Variants in TBC1D5 observed in about 807,000 individuals in gnomAD.
The protein encoded by TBC1D5 is TBC1 domain family, member 5.
A neutral mutation model predicts 100.3 loss-of-function variants in TBC1D5; 75 were observed. The ratio of observed to expected loss-of-function variants is 0.75; its 90% confidence interval spans 0.62 to 0.91. The LOEUF is 0.91. Among genes scored for constraint, TBC1D5 ranks in the 40% least tolerant of loss-of-function variants. The pLI, the probability that TBC1D5 is intolerant of heterozygous loss-of-function variation, is 0.00. For synonymous variants in TBC1D5, 323 were observed against 325.6 expected (o/e 0.99, Z 0.09); for missense variants, 910 against 942.4 (o/e 0.97, Z 0.45).
At chr3:17,737,881 G>A (rs910576150) in intron 1 of TBC1D5, among the ~76,000 whole-genome samples, 3 of 150,184 alleles carry the variant, frequency 2.0e-5, no homozygotes, top group African/African-American at 7.3e-5. Flanking sequence ...AAGAAAAAGA[G>A]TAAATCTGCA....
intron 3 of TBC1D5, among the ~76,000 whole-genome samples, chr3:17,493,000 C>T (rs1226943164): frequency 6.6e-6 from 1 of 152,114 alleles, no homozygotes; most frequent in Non-Finnish European, 1.5e-5. Flanking sequence ...GGTTATTTTG[C>T]AGACTTGATG....
At chr3:17,605,559 G>A (rs930488395) in intron 2 of TBC1D5, among the ~76,000 whole-genome samples, 1 of 152,140 alleles carries the variant, frequency 6.6e-6, no homozygotes, top group African/African-American at 2.4e-5. Flanking sequence ...TTGGGCAGTA[G>A]GAACAAATAT....
chr3:17,234,703 T>A (rs2075719295), intron 17 of TBC1D5, among the ~76,000 whole-genome samples: 1 of 152,162 alleles, frequency 6.6e-6, no homozygotes, highest in Non-Finnish European at 1.5e-5. Context: ...TTTCTATGCA[T>A]GATCATTTAT....
At position 17,455,524 on chromosome 3, in the gene TBC1D5, A is replaced by ATGTG. The variant is rs1292696837; in HGVS notation, c.98-27006_98-27005insCACA. On this transcript the variant is annotated intron_variant, in intron 3 of 21. Transcript: ENST00000253692. Reference sequence around the variant, plus strand: ...TATATGTGTGTGTGTATATATATATATATATATGTGTGTGTGTGTGTATAT... The same window carrying ATGTG: ...TATATGTGTGTGTGTATATATATATATGTGTATATATGTGTGTGTGTGTGTATAT... 2.6e-5 allele frequency among the ~76,000 whole-genome samples: 3 copies of ATGTG among 113,554 alleles called. 1 individual carries two copies. Among genetic ancestry groups the ATGTG allele is most frequent in the Non-Finnish European group, 5.3e-5 (3 of 56,194 alleles). The allele number at this position is 113,554 out of a possible 152,430, so 74.5% of individuals were successfully genotyped here.
chr3:17,183,958 C>G (rs1020063775), intron 19 of TBC1D5, among the ~76,000 whole-genome samples: 3 of 152,204 alleles, frequency 2.0e-5, no homozygotes, highest in African/African-American at 7.2e-5. Flanking sequence ...CACTACAGAG[C>G]AGCACATTGG....
chr3:17,593,712 G>C (rs756736941), intron 2 of TBC1D5, among the ~76,000 whole-genome samples: 1 of 152,124 alleles, frequency 6.6e-6, no homozygotes, highest in Non-Finnish European at 1.5e-5. Context: ...GAAGTGCAGC[G>C]GTGGGCTTAT....
intron 3 of TBC1D5, among the ~76,000 whole-genome samples, chr3:17,462,852 G>T (rs1259704607): frequency 6.6e-6 from 1 of 152,108 alleles, no homozygotes; most frequent in African/African-American, 2.4e-5. Context: ...AATGAAATGT[G>T]CCATGACCTA....
chr3:17,673,311 C>CTTTTTTTTTTTTTT (rs374496313), intron 1 of TBC1D5, among the ~76,000 whole-genome samples: 1 of 125,982 alleles, frequency 7.9e-6, no homozygotes, highest in Non-Finnish European at 1.6e-5. Context: ...CTTTTCTTTT[C>CTTTTTTTTTTTTTT]TTTTTTTTTT....
At chr3:17,663,603 T>C (rs775692183) in intron 1 of TBC1D5, among the ~76,000 whole-genome samples, 8 of 152,152 alleles carry the variant, frequency 5.3e-5, no homozygotes, top group Non-Finnish European at 8.8e-5. Context: ...GGAATCAAAA[T>C]TGCTGGTGGA....
At chr3:17,405,424 A>G (rs73156397) in intron 5 of TBC1D5, among the ~76,000 whole-genome samples, 9,250 of 152,168 alleles carry the variant, frequency 0.061, 550 homozygotes, top group African/African-American at 0.15. Context: ...ACATGAAAGC[A>G]TTCCTTTTAC....
intron 2 of TBC1D5, among the ~76,000 whole-genome samples, chr3:17,597,355 T>TC (rs2060637364): frequency 6.6e-6 from 1 of 152,036 alleles, no homozygotes; most frequent in South Asian, 2.1e-4. Flanking sequence ...CCCTGTCTCC[T>TC]CCCCCAGAAA....
At chr3:17,551,622 C>T (rs539364134) in intron 2 of TBC1D5, among the ~76,000 whole-genome samples, 2 of 152,214 alleles carry the variant, frequency 1.3e-5, no homozygotes, top group African/African-American at 2.4e-5. Context: ...TTAGTGTAAT[C>T]GCAGCCACAG....
chr3:17,206,253 G>A (rs925909765), intron 18 of TBC1D5, among the ~76,000 whole-genome samples: 7 of 152,214 alleles, frequency 4.6e-5, no homozygotes, highest in African/African-American at 1.7e-4. Flanking sequence ...TGTCTTTACT[G>A]TTCATATGGC....
At chr3:17,371,213 T>C (rs1052172601) in intron 13 of TBC1D5, among the ~76,000 whole-genome samples, 2 of 152,096 alleles carry the variant, frequency 1.3e-5, no homozygotes, top group African/African-American at 4.8e-5. Flanking sequence ...GAGGCATCTA[T>C]CTTACTTACA....
intron 21 of TBC1D5, among the ~76,000 whole-genome samples, chr3:17,166,345 A>C (rs558529765): frequency 3.3e-5 from 5 of 152,346 alleles, no homozygotes; most frequent in Non-Finnish European, 5.9e-5. Context: ...TAATTTTGGC[A>C]AAAAAGGTTC....
At chr3:17,272,689 A>G (rs1439099427) in intron 15 of TBC1D5, among the ~76,000 whole-genome samples, 1 of 152,214 alleles carries the variant, frequency 6.6e-6, no homozygotes, top group Non-Finnish European at 1.5e-5. Context: ...TCTATCTTCA[A>G]ACTTCTTCTG....
intron 16 of TBC1D5, among the ~76,000 whole-genome samples, chr3:17,246,617 T>C (rs1456493452): frequency 6.6e-6 from 1 of 152,194 alleles, no homozygotes; most frequent in African/African-American, 2.4e-5. Context: ...TTTCAACCAA[T>C]GATCCAATTT....
intron 2 of TBC1D5, among the ~76,000 whole-genome samples, chr3:17,585,393 C>T (rs1372783166): frequency 6.6e-6 from 1 of 152,148 alleles, no homozygotes; most frequent in Non-Finnish European, 1.5e-5. Flanking sequence ...AAGAAATATA[C>T]ACCTTACTAA....
rs373843978 is a variant in TBC1D5 at position 17,285,248 on chromosome 3, C to CTT, written c.1245+6645_1245+6646dup. On this transcript the variant is annotated intron_variant, in intron 15 of 21. Coordinates refer to ENST00000253692, the Ensembl canonical transcript of TBC1D5. ...AGTCACTATACGTGGATTTTAGATT[C>CTT]TTTTTTTTTTTTTTTTTTTTTTTTT... Among the ~76,000 whole-genome samples, 47 of 104,696 alleles carry CTT rather than the reference C, an allele frequency of 4.5e-4. 1 individual carries two copies. Among genetic ancestry groups the CTT allele is most frequent in the Admixed American group, 6.6e-4 (6 of 9,032 alleles). 68.7% of individuals were successfully genotyped at this position (104,696 alleles called of 152,430 possible).
Sources: gnomAD v4.1 joint callset for allele counts (sites outside exome capture counted in the v4.1 genomes callset) on GRCh38, gnomAD v4.1.1 for gene constraint, MANE v1.5 for transcripts, NCBI Gene and HGNC (gene_info 2026-07-23, HGNC 2026-07-21) for gene names.